MAGI2: variants seen among roughly 807,000 people sequenced by gnomAD.
MAGI2 encodes membrane-associated guanylate kinase, WW and PDZ domain-containing protein 2.
MAGI2 carries 35 observed loss-of-function variants against 133.3 expected under a neutral mutation model. The observed-to-expected ratio is 0.26, with a 90% confidence interval of 0.20 to 0.35. The LOEUF (loss-of-function observed/expected upper bound fraction) is 0.35. MAGI2 is among the 10% of genes least tolerant of loss of function. The pLI is 1.00. For synonymous variants in MAGI2, 729 were observed against 710.6 expected, an observed-to-expected ratio of 1.03 and a Z score of -0.41; for missense variants, 1,636 against 1,863.4, an observed-to-expected ratio of 0.88 and a Z score of 2.25.
intron 1 of MAGI2, among the ~76,000 whole-genome samples, chr7:79,320,947 C>T (rs372029796): frequency 6.6e-6 from 1 of 152,036 alleles, no homozygotes; most frequent in Non-Finnish European, 1.5e-5. Flanking sequence ...TTGAAACATG[C>T]TGGGAGAAGG....
chr7:78,528,461 C>G (rs1797168494), intron 3 of MAGI2, among the ~76,000 whole-genome samples: 1 of 152,110 alleles, frequency 6.6e-6, no homozygotes, highest in Non-Finnish European at 1.5e-5. Flanking sequence ...TGAGTTAAAA[C>G]TAGTACCAAA....
intron 3 of MAGI2, among the ~76,000 whole-genome samples, chr7:78,603,704 G>T (rs1805462326): frequency 1.3e-5 from 2 of 152,066 alleles, no homozygotes; most frequent in Admixed American, 6.6e-5. Flanking sequence ...TGTATCTTTA[G>T]TAGAGATGGA....
intron 2 of MAGI2, among the ~76,000 whole-genome samples, chr7:78,766,348 G>A (rs577936881): frequency 3.4e-4 from 52 of 152,246 alleles, no homozygotes; most frequent in African/African-American, 1.2e-3. Context: ...TAGAGAGATT[G>A]TCTTATAACA....
Position 78,501,757 on chromosome 7 carries a change from C to T in MAGI2, c.785G>A (p.Gly262Asp), listed in dbSNP as rs768200771. 9.9e-6 allele frequency: 16 copies of T among 1,613,894 alleles called. No homozygotes were observed. Among genetic ancestry groups the T allele is most frequent in the African/African-American group, 6.7e-5 (5 of 75,032 alleles). ...CTGGGAGGGCATCTCCCCTGAGGCA[C>T]CTGCACTTTTGTCTTCATGTTCACT... ...ESSEHEDKSA[G>D]ASGEMPSQPY... Residue 262 changes from glycine to aspartate, a missense_variant, in exon 5 of 22, where the codon GGT becomes GAT. Around this residue, in one of 5 missense-constraint regions of MAGI2, gnomAD observed 165 missense variants for 128.4 expected, o/e 1.28. Transcript: ENST00000354212.
chr7:78,480,908 A>G (rs113649870), intron 6 of MAGI2, among the ~76,000 whole-genome samples: 4,349 of 152,022 alleles, frequency 0.029, 166 homozygotes, highest in Admixed American at 0.11. Flanking sequence ...CTGATGAAAG[A>G]ACTCAAAGAA....
At chr7:78,059,023 T>A (rs1812951843) in intron 21 of MAGI2, among the ~76,000 whole-genome samples, 1 of 152,230 alleles carries the variant, frequency 6.6e-6, no homozygotes, top group African/African-American at 2.4e-5. Context: ...CTCTTGGTAT[T>A]GACAACTCAC....
intron 10 of MAGI2, among the ~76,000 whole-genome samples, chr7:78,216,445 T>C (rs1286723823): frequency 6.6e-6 from 1 of 152,218 alleles, no homozygotes; most frequent in Non-Finnish European, 1.5e-5. Context: ...TCCCCATGCT[T>C]GTAAGAACAA....
intron 9 of MAGI2, among the ~76,000 whole-genome samples, chr7:78,331,997 T>C (rs77942591): frequency 0.014 from 2,157 of 152,276 alleles, 59 homozygotes; most frequent in African/African-American, 0.049. Flanking sequence ...CTAATCCAAA[T>C]GGATACCAAT....
chr7:79,403,904 T>A (rs1453696119), intron 1 of MAGI2, among the ~76,000 whole-genome samples: 1 of 152,104 alleles, frequency 6.6e-6, no homozygotes, highest in Non-Finnish European at 1.5e-5. Context: ...ATGTGAAAAC[T>A]GCGATATTAA....
intron 6 of MAGI2, among the ~76,000 whole-genome samples, chr7:78,453,899 C>T (rs567358841): frequency 2.8e-4 from 42 of 151,838 alleles, no homozygotes; most frequent in African/African-American, 9.7e-4. Context: ...CATTTTTTTC[C>T]GTTTTTATTG....
intron 16 of MAGI2, among the ~76,000 whole-genome samples, chr7:78,146,960 C>T (rs1823360503): frequency 6.6e-6 from 1 of 152,294 alleles, no homozygotes; most frequent in South Asian, 2.1e-4. Flanking sequence ...TCCCCCAAGC[C>T]CTCCGGCAGA....
At chr7:78,638,441 A>C (rs1275700864) in intron 2 of MAGI2, among the ~76,000 whole-genome samples, 1 of 152,214 alleles carries the variant, frequency 6.6e-6, no homozygotes, top group African/African-American at 2.4e-5. Context: ...ATTTCCAAAG[A>C]AACTTTGGTT....
intron 9 of MAGI2, among the ~76,000 whole-genome samples, chr7:78,272,770 T>C (rs574666004): frequency 1.3e-5 from 2 of 152,268 alleles, no homozygotes; most frequent in South Asian, 4.1e-4. Context: ...AACCCCTGCT[T>C]TTTTTTGCTT....
chr7:78,380,309 A>G (rs1453802567), intron 6 of MAGI2, among the ~76,000 whole-genome samples: 1 of 152,180 alleles, frequency 6.6e-6, no homozygotes, highest in Non-Finnish European at 1.5e-5. Context: ...AGAAGGAAGC[A>G]ATAGTAAAAA....
intron 7 of MAGI2, among the ~76,000 whole-genome samples, chr7:78,365,161 T>C (rs1220847315): frequency 2.0e-5 from 3 of 151,938 alleles, no homozygotes; most frequent in Non-Finnish European, 2.9e-5. Flanking sequence ...GGCCATGTTG[T>C]CCAGGGCTAC....
intron 5 of MAGI2, among the ~76,000 whole-genome samples, chr7:78,496,352 C>A (rs1048543287): frequency 4.6e-5 from 7 of 152,146 alleles, no homozygotes; most frequent in Admixed American, 2.0e-4. Flanking sequence ...TGGCAGTAAA[C>A]AAATAGGTTC....
At chr7:78,987,734 A>G (rs1376703176) in intron 2 of MAGI2, among the ~76,000 whole-genome samples, 7 of 152,212 alleles carry the variant, frequency 4.6e-5, no homozygotes, top group Non-Finnish European at 8.8e-5. Flanking sequence ...TATTATTTTT[A>G]ATAAAAGAAA....
rs559213304 is a variant in MAGI2, at chr7:78,594,032, C to T, written c.538+33088G>A. 8.5e-5 allele frequency among the ~76,000 whole-genome samples: 13 copies of T among 152,280 alleles called. No individual in the cohort carries two copies. The East Asian group carries it at 2.5e-3, about 29-fold the overall frequency. On this transcript the variant is annotated intron_variant, in intron 3 of 21. Coordinates refer to ENST00000354212, the MANE Select transcript of MAGI2 (RefSeq NM_012301.4). ...TGAGAAAATGCATTTTGAACATGCTCACAGATGTTTGGTAGTGCCTGGCTT... is the reference window on the plus strand; with the variant it reads ...TGAGAAAATGCATTTTGAACATGCTTACAGATGTTTGGTAGTGCCTGGCTT...
intron 2 of MAGI2, among the ~76,000 whole-genome samples, chr7:78,774,028 T>C (rs1277380856): frequency 2.0e-5 from 3 of 152,184 alleles, no homozygotes; most frequent in African/African-American, 7.2e-5. Context: ...AATATCTATT[T>C]TTAAGCAGTA....
Sources: allele counts gnomAD v4.1 joint callset (sites outside exome capture counted in the v4.1 genomes callset), GRCh38; gene constraint gnomAD v4.1.1; regional missense constraint gnomAD v4.1.1; transcripts MANE v1.5; gene names NCBI Gene and HGNC (gene_info 2026-07-23, HGNC 2026-07-21).